Variants in PHF14 observed in about 807,000 individuals in gnomAD.
The protein encoded by PHF14 is PHD finger protein 14.
PHF14 carries 55 observed loss-of-function variants against 117.9 expected under a neutral mutation model. That is an observed-to-expected ratio of 0.47 (90% confidence interval 0.38 to 0.58). PHF14 has a LOEUF of 0.58. PHF14 is among the 20% of genes least tolerant of loss of function. The pLI, the probability that PHF14 is intolerant of heterozygous loss-of-function variation, is 0.00. For synonymous variants in PHF14, 409 were observed against 368.6 expected, an observed-to-expected ratio of 1.11 and a Z score of -1.26; for missense variants, 978 against 1,122.2, an observed-to-expected ratio of 0.87 and a Z score of 1.84.
At position 11,028,714 on chromosome 7, in the gene PHF14, A is replaced by G. The variant is rs1400525763; in HGVS notation, c.1351A>G (p.Arg451Gly). 3.1e-6 allele frequency: 5 copies of G among 1,613,778 alleles called. No homozygotes were observed. The highest frequency in any genetic ancestry group is 4.2e-6 in the Non-Finnish European group (5 of 1,179,758). ...CSFCEDPRFARTGVCISCDAG... is the reference protein window; with the variant it reads ...CSFCEDPRFAGTGVCISCDAG... ...CTTTTGTGAAGACCCTCGCTTTGCTAGAACTGGGGTTTGCATTAGCTGTGA... is the reference window on the plus strand; with the variant it reads ...CTTTTGTGAAGACCCTCGCTTTGCTGGAACTGGGGTTTGCATTAGCTGTGA... The change falls in exon 7 of 18, where the codon AGA becomes GGA. Residue 451 changes from arginine (R) to glycine (G), a missense_variant. Transcript: ENST00000634607.
At chr7:11,162,175 A>C (rs1789064313) in intron 17 of PHF14, among the ~76,000 whole-genome samples, 1 of 123,772 alleles carries the variant, frequency 8.1e-6, no homozygotes, top group Non-Finnish European at 1.6e-5. Flanking sequence ...TGCAACCTCC[A>C]CCTCCCAGGT....
At chr7:11,148,397 T>G (rs1788611583) in intron 17 of PHF14, among the ~76,000 whole-genome samples, 2 of 152,186 alleles carry the variant, frequency 1.3e-5, no homozygotes, top group Non-Finnish European at 2.9e-5. Flanking sequence ...TTGCCCTTGT[T>G]CCCTGTGCCT....
At chr7:11,138,815 CA>C (rs1788320001) in intron 17 of PHF14, among the ~76,000 whole-genome samples, 1 of 152,134 alleles carries the variant, frequency 6.6e-6, no homozygotes. Flanking sequence ...ATTTTATACT[CA>C]ATTTCAGTGT....
chr7:11,144,331 A>G (rs1486030459), intron 17 of PHF14, among the ~76,000 whole-genome samples: 4 of 151,980 alleles, frequency 2.6e-5, no homozygotes, highest in African/African-American at 7.3e-5. Context: ...CTAAAAGTAG[A>G]ACTAACTTAT....
chr7:11,071,907 A>T (rs1364794873), intron 16 of PHF14, among the ~76,000 whole-genome samples: 1 of 152,222 alleles, frequency 6.6e-6, no homozygotes, highest in Non-Finnish European at 1.5e-5. Context: ...ATATTAAAAA[A>T]GTAAGCCTGC....
At chr7:11,012,046 T>C (rs1438753178) in intron 4 of PHF14, among the ~76,000 whole-genome samples, 1 of 152,198 alleles carries the variant, frequency 6.6e-6, no homozygotes, top group Non-Finnish European at 1.5e-5. Context: ...GTGACATTGC[T>C]TACCAGCAGA....
At chr7:10,990,899 T>G (rs1243462033) in intron 4 of PHF14, 52 bp downstream of exon 4, 1 of 1,361,324 alleles carries the variant, frequency 7.3e-7, no homozygotes, top group East Asian at 2.5e-5. Flanking sequence ...TGTGGCTCTT[T>G]TACATTTGTA....
chr7:11,166,038 G>A (rs999285838), intron 17 of PHF14, among the ~76,000 whole-genome samples: 1 of 152,154 alleles, frequency 6.6e-6, no homozygotes, highest in African/African-American at 2.4e-5. Context: ...GATATTACAG[G>A]TGTTACTGTT....
At position 11,111,926 on chromosome 7, in the gene PHF14, G is replaced by A. The variant is rs528518293; in HGVS notation, c.2772+459G>A. 1.5e-4 allele frequency among the ~76,000 whole-genome samples: 23 copies of A among 149,044 alleles called. No individual in the cohort carries two copies. In the South Asian group the frequency reaches 4.2e-3, roughly 27 times the overall value. On this transcript the variant is annotated intron_variant, in intron 17 of 17. Coordinates refer to ENST00000634607, the MANE Select transcript of PHF14 (RefSeq NM_001007157.2). Reference sequence around the variant, plus strand: ...GTTCCTTTAAAAAAAAAACAAAATAGTTTTCATATCCTAAATCTTATTTCT... The same window carrying A: ...GTTCCTTTAAAAAAAAAACAAAATAATTTTCATATCCTAAATCTTATTTCT...
intron 4 of PHF14, among the ~76,000 whole-genome samples, chr7:11,002,548 C>T (rs938152627): frequency 1.3e-5 from 2 of 152,084 alleles, no homozygotes; most frequent in Non-Finnish European, 2.9e-5. Flanking sequence ...AAGCAATTCT[C>T]CTGTCTCAGC....
In PHF14 at chr7:10,985,638, G is replaced by GTTTTTTTTTT. The variant is rs61250143; in HGVS notation, c.900+2501_900+2510dup. Among the ~76,000 whole-genome samples the GTTTTTTTTTT allele has an allele frequency of 2.8e-4, 13 of 45,962 alleles. No homozygotes were observed. The East Asian group carries it at 3.0e-3, about 11-fold the overall frequency. The allele number at this position is 45,962 out of a possible 152,430, so 30.2% of individuals were successfully genotyped here. Reference sequence around the variant, plus strand: ...ACTCTCTAGCAGTGATTCTCAAACTGTTTTTTTTTTTTTTTTTTTTTTTTT... The same window carrying GTTTTTTTTTT: ...ACTCTCTAGCAGTGATTCTCAAACTGTTTTTTTTTTTTTTTTTTTTTTTTTTTTTTTTTTT... On this transcript the variant is annotated intron_variant, in intron 3 of 17. Transcript: ENST00000634607.
chr7:11,116,377 C>T (rs548482879), intron 17 of PHF14, among the ~76,000 whole-genome samples: 16 of 152,114 alleles, frequency 1.1e-4, no homozygotes, highest in East Asian at 3.9e-4. Flanking sequence ...TTGCTTTTCC[C>T]GGTTCTTCTC....
At chr7:11,136,213 T>C (rs539664904) in intron 17 of PHF14, among the ~76,000 whole-genome samples, 2 of 152,314 alleles carry the variant, frequency 1.3e-5, no homozygotes, top group South Asian at 4.1e-4. Flanking sequence ...ACTTCCGCAG[T>C]GCCAAATCTA....
chr7:11,035,202 A>G (rs1784278994), intron 7 of PHF14, among the ~76,000 whole-genome samples: 1 of 152,134 alleles, frequency 6.6e-6, no homozygotes, highest in Admixed American at 6.5e-5. Flanking sequence ...ATTAGGTATT[A>G]TAAGTAATGT....
chr7:11,095,439 T>C (rs1206786419), intron 16 of PHF14, among the ~76,000 whole-genome samples: 2 of 152,178 alleles, frequency 1.3e-5, no homozygotes, highest in African/African-American at 4.8e-5. Flanking sequence ...GATGGGTCTT[T>C]ATTCTGTAAT....
At chr7:11,024,913 T>G (rs1433462706) in intron 6 of PHF14, among the ~76,000 whole-genome samples, 3 of 152,218 alleles carry the variant, frequency 2.0e-5, no homozygotes, top group African/African-American at 7.2e-5. Context: ...TTCATAAGGC[T>G]ATAGCTGCCA....
intron 4 of PHF14, among the ~76,000 whole-genome samples, chr7:11,004,801 C>T (rs1390803908): frequency 6.6e-6 from 1 of 151,432 alleles, no homozygotes; most frequent in Non-Finnish European, 1.5e-5. Flanking sequence ...TTTGGGAGGC[C>T]GAGGTGGGTG....
chr7:11,083,950 A>G (rs1786272547), intron 16 of PHF14, among the ~76,000 whole-genome samples: 1 of 152,198 alleles, frequency 6.6e-6, no homozygotes, highest in East Asian at 1.9e-4. Flanking sequence ...GTCTGGGGCA[A>G]TAGGTAGATT....
chr7:11,090,795 A>G (rs1473399031), intron 16 of PHF14, among the ~76,000 whole-genome samples: 1 of 152,258 alleles, frequency 6.6e-6, no homozygotes, highest in Non-Finnish European at 1.5e-5. Context: ...AGAAGAATTC[A>G]TAGGATAATG....
Sources: gnomAD v4.1 joint callset for allele counts (sites outside exome capture counted in the v4.1 genomes callset) on GRCh38, gnomAD v4.1.1 for gene constraint, MANE v1.5 for transcripts, NCBI Gene and HGNC (gene_info 2026-07-23, HGNC 2026-07-21) for gene names.